HLA-DQB1: variants seen among roughly 807,000 people sequenced by gnomAD.
HLA-DQB1 encodes the protein major histocompatibility complex, class II, DQ beta 1, also known as HLA class II histocompatibility antigen, DQ beta 1 chain.
HLA-DQB1 carries 13 observed loss-of-function variants against 26.4 expected under a neutral mutation model. The ratio of observed to expected loss-of-function variants is 0.49; its 90% CI spans 0.32 to 0.78. The LOEUF (loss-of-function observed/expected upper bound fraction) is 0.78, where lower values mean the gene tolerates loss of function less well. HLA-DQB1 is among the 30% of genes least tolerant of loss of function. The pLI is 0.03. For missense variants in HLA-DQB1, 158 were observed against 326.2 expected (o/e 0.48, Z 3.97); for synonymous variants, 60 against 129.1 (o/e 0.46, Z 3.63).
At chr6:32,665,246 T>C (rs533608307) in intron 1 of HLA-DQB1, among the ~76,000 whole-genome samples, 179 bp from the exon 2 acceptor site, 49,113 of 87,248 alleles carry the variant, frequency 0.56, 11,676 homozygotes, top group East Asian at 0.75. Context: ...CCCGCCTTCT[T>C]TGCGGGCTTC....
intron 1 of HLA-DQB1, among the ~76,000 whole-genome samples, chr6:32,665,404 T>G (rs9274438): frequency 7.5e-6 from 1 of 132,846 alleles, no homozygotes; most frequent in African/African-American, 2.7e-5. Context: ...ATCCCATTTT[T>G]CATGAAGCTC....
At chr6:32,665,290 G>A (rs281861869) in intron 1 of HLA-DQB1, among the ~76,000 whole-genome samples, 15 of 133,568 alleles carry the variant, frequency 1.1e-4, no homozygotes, top group Admixed American at 4.8e-4. Context: ...GGAAAGGGAG[G>A]AAAGCCCTGT....
Position 32,664,659 on chromosome 6 carries a change from C to A in HLA-DQB1, c.379+139G>T. 7.9e-6 allele frequency: 2 copies of A among 252,788 alleles called. 1 individual carries two copies. The highest frequency in any genetic ancestry group is 1.3e-5 in the Non-Finnish European group (2 of 150,870). The allele number at this position is 252,788 out of a possible 1,614,324, so 15.7% of individuals were successfully genotyped here. On this transcript the variant is annotated intron_variant, in intron 2 of 4. Coordinates refer to ENST00000434651, the Ensembl canonical transcript of HLA-DQB1. ...CCCTCCGATGCACCTGCCCCCACCACCCCGCCGCCGCCTCCTTTCCCCTGG... is the reference window on the plus strand; with the variant it reads ...CCCTCCGATGCACCTGCCCCCACCAACCCGCCGCCGCCTCCTTTCCCCTGG...
chr6:32,665,462 C>G (rs9274443), intron 1 of HLA-DQB1, among the ~76,000 whole-genome samples: 89,391 of 124,648 alleles, frequency 0.72, 34,803 homozygotes, highest in East Asian at 0.88. Flanking sequence ...GAGAGTTCAA[C>G]GGAATGACGA....
At chr6:32,666,273 C>A in intron 1 of HLA-DQB1, among the ~76,000 whole-genome samples, 1 of 135,012 alleles carries the variant, frequency 7.4e-6, no homozygotes, top group South Asian at 2.4e-4. Flanking sequence ...TTTCTCTCCT[C>A]TCTCCTCCTC....
rs68081734 is a variant in HLA-DQB1 at position 32,661,051 on chromosome 6, T to C, written c.772+296A>G. Among the ~76,000 whole-genome samples the C allele has an allele frequency of 0.19, 27,170 of 141,618 alleles. 3,359 individuals are homozygous for C. Among genetic ancestry groups the C allele is most frequent in the South Asian group, 0.24 (1,057 of 4,356 alleles). The allele number at this position is 141,618 out of a possible 152,430, so 92.9% of individuals were successfully genotyped here. A position where few individuals can be genotyped will look rare whatever the true frequency, so the allele number is the denominator to read the frequency against. On this transcript the variant is annotated intron_variant, in intron 4 of 4. Transcript: ENST00000434651. ...CCCCTAAAACAAAGGAAATTGTCACTAGAAAGAAAGGAAGCTGAGGCTCTG... is the reference window on the plus strand; with the variant it reads ...CCCCTAAAACAAAGGAAATTGTCACCAGAAAGAAAGGAAGCTGAGGCTCTG...
intron 4 of HLA-DQB1, 36 bp from the exon 5 acceptor site, chr6:32,660,285 T>TTG (rs771915778): frequency 0.023 from 23,882 of 1,016,972 alleles, 6,241 homozygotes; most frequent in East Asian, 0.086. Flanking sequence ...CAGCACAGGG[T>TTG]ATCCTGGTGG....
chr6:32,659,962 T>G, exon 5 of HLA-DQB1: 1 of 258,692 alleles, frequency 3.9e-6, no homozygotes, highest in Non-Finnish European at 7.4e-6. Flanking sequence ...TCTTGAGCAG[T>G]CTGAGGAAAG....
intron 4 of HLA-DQB1, 82 bp downstream of exon 4, chr6:32,661,265 G>A (rs281864319): frequency 1.7e-6 from 1 of 602,930 alleles, no homozygotes; most frequent in Non-Finnish European, 2.7e-6. Context: ...CAGGAGGAAA[G>A]AGCTAATCTA....
chr6:32,660,118 A>G lies in HLA-DQB1; in HGVS notation c.*118T>C, dbSNP rs1782840243. ...ATGACCTGGTGGCTGCGTGACAGCC[A>G]CTGTAGGACTTTGATCTCAGGGGGA... is the stretch of plus-strand genomic sequence containing the variant. On this transcript the variant is annotated 3_prime_UTR_variant, in exon 5 of 5. Coordinates refer to ENST00000434651, the Ensembl canonical transcript of HLA-DQB1. 6 of 492,580 alleles carry G rather than the reference A, an allele frequency of 1.2e-5. No individual in the cohort carries two copies. The South Asian group carries it at 1.5e-4, about 13-fold the overall frequency. The allele number at this position is 492,580 out of a possible 1,614,324, so 30.5% of individuals were successfully genotyped here. A position where few individuals can be genotyped will look rare whatever the true frequency, so the allele number is the denominator to read the frequency against.
At chr6:32,662,349 G>C (rs281864032) in intron 2 of HLA-DQB1, 101 bp from the exon 3 acceptor site, 1 of 511,192 alleles carries the variant, frequency 2.0e-6, no homozygotes, top group East Asian at 3.7e-5. Flanking sequence ...AGAGTGGAAA[G>C]ATACCTGGAG....
chr6:32,665,075 G>A lies in HLA-DQB1; in HGVS notation c.110-8C>T, dbSNP rs281862045. 2.3e-6 allele frequency: 3 copies of A among 1,306,754 alleles called. No individual in the cohort carries two copies. The highest frequency in any genetic ancestry group is 3.2e-6 in the Non-Finnish European group (3 of 948,558). The allele number at this position is 1,306,754 out of a possible 1,614,324, so 80.9% of individuals were successfully genotyped here. Reference sequence around the variant, plus strand: ...ACTGGAACACGAAATCCTCTGCGGGGAATCACCGGCCGGTCAGTCAGGCCC... The same window carrying A: ...ACTGGAACACGAAATCCTCTGCGGGAAATCACCGGCCGGTCAGTCAGGCCC... On this transcript the variant is annotated splice_polypyrimidine_tract_variant and splice_region_variant and intron_variant, in intron 1 of 4. Coordinates refer to ENST00000434651, the Ensembl canonical transcript of HLA-DQB1.
At chr6:32,660,079 G>A in exon 5 of HLA-DQB1, 1 of 394,874 alleles carries the variant, frequency 2.5e-6, no homozygotes, top group South Asian at 3.1e-5. Flanking sequence ...GCCTTGGGGT[G>A]GGGATGAAAG....
At chr6:32,666,372 C>CA (rs1283136269) in intron 1 of HLA-DQB1, 127 bp downstream of exon 1, 3 of 425,852 alleles carry the variant, frequency 7.0e-6, no homozygotes, top group South Asian at 3.3e-5. Context: ...CTTTCTTTCC[C>CA]AAGAGAGAGG....
chr6:32,666,620 G>T, exon 1 of HLA-DQB1: 2 of 946,438 alleles, frequency 2.1e-6, no homozygotes, highest in Non-Finnish European at 3.3e-6. Context: ...CTGAGACGAA[G>T]GGAAAAGCAG....
At chr6:32,660,799 C>T in intron 4 of HLA-DQB1, 1 of 955,978 alleles carries the variant, frequency 1.0e-6, no homozygotes, top group Non-Finnish European at 1.6e-6. Flanking sequence ...GTACACTCAG[C>T]TCATGCTCTT....
chr6:32,665,308 T>G (rs28746807), intron 1 of HLA-DQB1, among the ~76,000 whole-genome samples: 13,919 of 129,532 alleles, frequency 0.11, 1,275 homozygotes, highest in East Asian at 0.21. Flanking sequence ...TGTCCCTGCC[T>G]GAGCCTGTGA....
chr6:32,661,568 GT>G, intron 3 of HLA-DQB1, 111 bp from the exon 4 acceptor site: 1 of 706,960 alleles, frequency 1.4e-6, no homozygotes, highest in Non-Finnish European at 2.2e-6. Context: ...AAGGAACCTA[GT>G]TCTCCATTCA....
At chr6:32,660,947 G>A (rs2151004478) in intron 4 of HLA-DQB1, 3 of 990,202 alleles carry the variant, frequency 3.0e-6, no homozygotes, top group Non-Finnish European at 1.5e-6. Context: ...CACCCCAAAG[G>A]AAAATGACAC....
Sources: gnomAD v4.1 joint callset for allele counts (sites outside exome capture counted in the v4.1 genomes callset) on GRCh38, gnomAD v4.1.1 for gene constraint, MANE v1.5 for transcripts, NCBI Gene and HGNC (gene_info 2026-07-23, HGNC 2026-07-21) for gene names.